ELFN1: variants seen among roughly 807,000 people sequenced by gnomAD.
ELFN1 encodes protein ELFN1.
Under a neutral mutation model 7.6 loss-of-function variants are expected in ELFN1, and 6 were observed. The ratio of observed to expected loss-of-function variants is 0.79; its 90% CI spans 0.43 to 1.56. ELFN1 has a LOEUF of 1.56. ELFN1 is among the 40% of genes most tolerant of loss of function. The pLI is 0.01. For missense variants in ELFN1, 1,169 were observed against 1,232.2 expected (o/e 0.95, Z 0.77); for synonymous variants, 657 against 588.1 (o/e 1.12, Z -1.70).
rs1780827356 is a variant in ELFN1 at position 1,747,136 on chromosome 7, C to A, written c.*53C>A. 2 of 1,421,890 alleles carry A rather than the reference C, an allele frequency of 1.4e-6. No individual in the cohort carries two copies. Among genetic ancestry groups the A allele is most frequent in the Non-Finnish European group, 1.8e-6 (2 of 1,082,708 alleles). The allele number at this position is 1,421,890 out of a possible 1,614,324, so 88.1% of individuals were successfully genotyped here. A position where few individuals can be genotyped will look rare whatever the true frequency, so the allele number is the denominator to read the frequency against. On this transcript the variant is annotated 3_prime_UTR_variant, in exon 4 of 4. Coordinates refer to ENST00000424383, the MANE Select transcript of ELFN1 (RefSeq NM_001128636.4). ...GACCAAAAAGGATGCAGGATCCACC[C>A]AGAGACTCAGCACCAAACCCAACAC...
rs556316889 is a variant in ELFN1 at position 1,746,056 on chromosome 7, C to G, written c.1460C>G (p.Pro487Arg). ...GGCCTGGCCCCGCTGTCCCAGGGCC[C>G]GCTGCTGGGCCCCGAGGCCGTGACG... ...APGLAPLSQG[P>R]LLGPEAVTRI... The change falls in exon 4 of 4, where the codon CCG (proline) becomes CGG (arginine). Residue 487 changes from proline to arginine, a missense_variant. This residue lies in a region of ELFN1 where 914 missense variants were observed against 872.6 expected (regional missense o/e 1.05). Coordinates refer to ENST00000424383, the MANE Select transcript of ELFN1 (RefSeq NM_001128636.4). 1 of 1,546,806 alleles carries G rather than the reference C, an allele frequency of 6.5e-7. No homozygotes were observed. The highest frequency in any genetic ancestry group is 2.0e-5 in the Admixed American group (1 of 50,862).
upstream of ELFN1, among the ~76,000 whole-genome samples, chr7:1,668,152 TTCTCCGTGGA>T (rs1778700412): frequency 6.6e-6 from 1 of 152,166 alleles, no homozygotes; most frequent in African/African-American, 2.4e-5. Context: ...ACCTCTGAGG[TTCTCCGTGGA>T]TCTCAGACCC....
intron 2 of ELFN1, among the ~76,000 whole-genome samples, chr7:1,689,917 G>T (rs1287280308): frequency 6.6e-6 from 1 of 152,242 alleles, no homozygotes; most frequent in African/African-American, 2.4e-5. Context: ...TGCAGTCACA[G>T]AATGGGAACC....
chr7:1,676,960 G>A (rs936268035), intron 1 of ELFN1, among the ~76,000 whole-genome samples: 17 of 152,158 alleles, frequency 1.1e-4, no homozygotes, highest in Non-Finnish European at 1.9e-4. Context: ...AAGGGCACAC[G>A]AGGGAATGAG....
rs979125513 is a variant in ELFN1 at position 1,745,013 on chromosome 7, G to A, written c.417G>A (p.Leu139=). 20 of 1,551,004 alleles carry A rather than the reference G, an allele frequency of 1.3e-5. No homozygotes were observed. Among genetic ancestry groups the A allele is most frequent in the South Asian group, 2.4e-5 (2 of 84,062 alleles). The change falls in exon 4 of 4, where the codon CTG becomes CTA. Residue 139 remains leucine (L), a synonymous_variant. Coordinates refer to ENST00000424383, the MANE Select transcript of ELFN1 (RefSeq NM_001128636.4). ...RGLGKLEYLY[L]QANLIEVVMA... is the part of the protein sequence containing the mutation. ...TGGGCAAGCTGGAGTACCTGTACCTGCAGGCCAACCTCATCGAGGTGGTCA... is the reference window on the plus strand; with the variant it reads ...TGGGCAAGCTGGAGTACCTGTACCTACAGGCCAACCTCATCGAGGTGGTCA...
At position 1,747,334 on chromosome 7, in the gene ELFN1, A is replaced by ACACC; in HGVS notation, c.*252_*253insACCC. 1.0e-5 allele frequency: 2 copies of ACACC among 200,156 alleles called. No homozygotes were observed. Among genetic ancestry groups the ACACC allele is most frequent in the East Asian group, 1.1e-4 (1 of 9,206 alleles). The allele number at this position is 200,156 out of a possible 1,614,324, so 12.4% of individuals were successfully genotyped here. On this transcript the variant is annotated 3_prime_UTR_variant, in exon 4 of 4. Transcript: ENST00000424383. Reference sequence around the variant, plus strand: ...CACACACACACACACACACACACACACGAGGGACTTCGGAAAACTGTGTCT... The same window carrying ACACC: ...CACACACACACACACACACACACACACACCCGAGGGACTTCGGAAAACTGTGTCT...
chr7:1,699,387 C>A (rs973984308), intron 2 of ELFN1, among the ~76,000 whole-genome samples: 1 of 152,158 alleles, frequency 6.6e-6, no homozygotes, highest in Non-Finnish European at 1.5e-5. Context: ...CCTGTAATCC[C>A]AGCACTTTGG....
chr7:1,693,620 C>G (rs1006984114), intron 2 of ELFN1: 2 of 471,222 alleles, frequency 4.2e-6, no homozygotes, highest in East Asian at 1.4e-4. Context: ...GTGAACACCT[C>G]CGGCGGTGCC....
intron 3 of ELFN1, among the ~76,000 whole-genome samples, chr7:1,727,463 C>A (rs900292926): frequency 5.9e-5 from 9 of 152,092 alleles, no homozygotes; most frequent in African/African-American, 1.9e-4. Context: ...AGTCTTGGGA[C>A]CTTCAGTAGT....
At chr7:1,681,488 A>G (rs1252963071) in intron 1 of ELFN1, among the ~76,000 whole-genome samples, 1 of 151,980 alleles carries the variant, frequency 6.6e-6, no homozygotes, top group Non-Finnish European at 1.5e-5. Context: ...TCAGCCTCCC[A>G]AGTAGCTGGG....
Position 1,745,537 on chromosome 7 carries a change from A to G in ELFN1, c.941A>G (p.Glu314Gly), listed in dbSNP as rs2128606311. The G allele has an allele frequency of 1.3e-6, 2 of 1,548,220 alleles. No homozygotes were observed. Among genetic ancestry groups the G allele is most frequent in the Non-Finnish European group, 1.7e-6 (2 of 1,146,890 alleles). The change falls in exon 4 of 4, where the codon GAG becomes GGG. Residue 314 changes from glutamate (E) to glycine (G), a missense_variant. Around this residue, in one of 2 missense-constraint regions of ELFN1, gnomAD observed 914 missense variants for 872.6 expected, o/e 1.05. Coordinates refer to ENST00000424383, the MANE Select transcript of ELFN1 (RefSeq NM_001128636.4). ...VALPTLATQA[E>G]ARPLIKVKQL... ...CTGCCCACGCTGGCCACGCAGGCCGAGGCCCGCCCCCTCATCAAGGTCAAG... is the reference window on the plus strand; with the variant it reads ...CTGCCCACGCTGGCCACGCAGGCCGGGGCCCGCCCCCTCATCAAGGTCAAG...
At chr7:1,741,635 G>A (rs1780616956) in intron 3 of ELFN1, among the ~76,000 whole-genome samples, 1 of 152,204 alleles carries the variant, frequency 6.6e-6, no homozygotes, top group African/African-American at 2.4e-5. Context: ...CAGGAAGGGG[G>A]AGAGAGTGTG....
chr7:1,672,406 G>T (rs1778784681), intron 1 of ELFN1, among the ~76,000 whole-genome samples: 1 of 152,108 alleles, frequency 6.6e-6, no homozygotes, highest in Non-Finnish European at 1.5e-5. Context: ...AGGTGTCCGG[G>T]GTCCCAGCAA....
chr7:1,700,126 A>G (rs1779395352), intron 2 of ELFN1, among the ~76,000 whole-genome samples: 1 of 152,204 alleles, frequency 6.6e-6, no homozygotes. Context: ...GTAGGTTCTC[A>G]GAAGTGGGGC....
intron 3 of ELFN1, among the ~76,000 whole-genome samples, chr7:1,721,253 G>A (rs929125836): frequency 6.6e-6 from 1 of 152,166 alleles, no homozygotes; most frequent in Non-Finnish European, 1.5e-5. Flanking sequence ...GCCCAACCAG[G>A]CCTGATGTTT....
intron 3 of ELFN1, among the ~76,000 whole-genome samples, chr7:1,741,655 C>A (rs955573192): frequency 6.6e-6 from 1 of 152,166 alleles, no homozygotes; most frequent in African/African-American, 2.4e-5. Context: ...GGCACCCAGC[C>A]AGGCCCTGGA....
upstream of ELFN1, among the ~76,000 whole-genome samples, chr7:1,668,368 G>T (rs902090733): frequency 2.6e-5 from 4 of 152,272 alleles, no homozygotes; most frequent in Non-Finnish European, 5.9e-5. Flanking sequence ...CACCTGCGAA[G>T]GCAAAGGAGG....
At chr7:1,675,121 C>T (rs1466620063) in intron 1 of ELFN1, among the ~76,000 whole-genome samples, 1 of 152,198 alleles carries the variant, frequency 6.6e-6, no homozygotes, top group Non-Finnish European at 1.5e-5. Context: ...ACCAGCTTGT[C>T]TGGGAAGCCA....
intron 1 of ELFN1, among the ~76,000 whole-genome samples, chr7:1,674,640 C>A (rs150347167): frequency 1.3e-5 from 2 of 152,102 alleles, no homozygotes; most frequent in Admixed American, 6.5e-5. Flanking sequence ...GTGACCCCCC[C>A]GCCCTCGACG....
Sources: gnomAD v4.1 joint callset for allele counts (sites outside exome capture counted in the v4.1 genomes callset) on GRCh38, gnomAD v4.1.1 for gene constraint, gnomAD v4.1.1 regional missense constraint, MANE v1.5 for transcripts, NCBI Gene and HGNC (gene_info 2026-07-23, HGNC 2026-07-21) for gene names.